The following MAP2K2 variants were observed in gnomAD, a reference collection of about 807,000 sequenced individuals.
MAP2K2 encodes dual specificity mitogen-activated protein kinase kinase 2.
A neutral mutation model predicts 43.7 loss-of-function variants in MAP2K2; 24 were observed. The observed-to-expected ratio is 0.55, with a 90% CI of 0.40 to 0.77. The LOEUF (loss-of-function observed/expected upper bound fraction) is 0.77, where lower values mean the gene tolerates loss of function less well. Ranked by LOEUF, MAP2K2 falls within the 30% of genes least tolerant of loss-of-function variation. The pLI, the probability that MAP2K2 is intolerant of heterozygous loss-of-function variation, is 0.00. For missense variants in MAP2K2, 470 were observed against 566.8 expected, an observed-to-expected ratio of 0.83 and a Z score of 1.73; for synonymous variants, 244 against 239.7, an observed-to-expected ratio of 1.02 and a Z score of -0.17.
intron 9 of MAP2K2, chr19:4,094,827 C>T (rs1020416410): frequency 1.8e-5 from 8 of 442,686 alleles, no homozygotes; most frequent in South Asian, 8.0e-5. Context: ...GCAACATCGC[C>T]GGAGCGCACG....
chr19:4,093,407 T>C (rs1056141604), intron 10 of MAP2K2, among the ~76,000 whole-genome samples: 1 of 151,390 alleles, frequency 6.6e-6, no homozygotes, highest in African/African-American at 2.4e-5. Context: ...AAAAATTTTT[T>C]TGACCAGGTG....
Position 4,099,268 on chromosome 19 carries a change from G to A in MAP2K2, c.852C>T (p.Val284=), listed in dbSNP as rs771633690. 1.1e-5 allele frequency: 17 copies of A among 1,605,982 alleles called. No homozygotes were observed. Among genetic ancestry groups the A allele is most frequent in the East Asian group, 2.2e-5 (1 of 44,554 alleles). ...TGTGAGGCTCTCCTTCTTCCCCGTC[G>A]ACCACGGGCCGGCCAAAGATGGCCT... ...ELEAIFGRPV[V]DGEEGEPHSI... Residue 284 remains valine (V), a synonymous_variant, in exon 7 of 11, where the codon GTC becomes GTT. Transcript: ENST00000262948.
intron 7 of MAP2K2, 53 bp from the exon 8 acceptor site, chr19:4,097,396 G>T: frequency 7.0e-7 from 1 of 1,429,086 alleles, no homozygotes; most frequent in Non-Finnish European, 9.9e-7. Flanking sequence ...CCTCACTTCT[G>T]CTGGGGGTTG....
intron 8 of MAP2K2, 83 bp from the exon 9 acceptor site, chr19:4,095,532 C>G (rs1361798823): frequency 3.5e-5 from 42 of 1,201,436 alleles, no homozygotes; most frequent in Non-Finnish European, 4.4e-5. Flanking sequence ...CCTCACTGTC[C>G]TGTCCGGTCA....
chr19:4,098,827 G>GT (rs1307552451), intron 7 of MAP2K2, among the ~76,000 whole-genome samples: 1 of 152,264 alleles, frequency 6.6e-6, no homozygotes, highest in Admixed American at 6.5e-5. Context: ...GCACAGGAGC[G>GT]TGTCACCTGC....
chr19:4,101,431 C>T lies in MAP2K2; in HGVS notation c.529-151G>A. ...CTGTGAGGAGCTCGCTGGGGTGGAGCAAGCGAGGCCAGAGACGAGACAGTG... is the reference window on the plus strand; with the variant it reads ...CTGTGAGGAGCTCGCTGGGGTGGAGTAAGCGAGGCCAGAGACGAGACAGTG... On this transcript the variant is annotated intron_variant, in intron 4 of 10. Transcript: ENST00000262948. This position sits in a 1 kb window ranked among gnomAD's most constrained non-coding sequence, Gnocchi z 6.3. 1.2e-6 allele frequency: 1 copy of T among 839,310 alleles called. No individual in the cohort carries two copies. The highest frequency in any genetic ancestry group is 2.0e-6 in the Non-Finnish European group (1 of 504,304). The allele number at this position is 839,310 out of a possible 1,614,324, so 52.0% of individuals were successfully genotyped here.
chr19:4,096,106 TG>T (rs2040913345), intron 8 of MAP2K2, among the ~76,000 whole-genome samples: 1 of 152,200 alleles, frequency 6.6e-6, no homozygotes, highest in African/African-American at 2.4e-5. Flanking sequence ...GCCCAAGCAC[TG>T]GGGAGCCTGG....
chr19:4,116,368 A>G lies in MAP2K2; in HGVS notation c.303+1051T>C, dbSNP rs930317081. ...CAACACGGTGAACCCCATCTCTACT[A>G]AAAAAACAAAAATTAACTGGGTGTG... On this transcript the variant is annotated intron_variant, in intron 2 of 10. Coordinates refer to ENST00000262948, the MANE Select transcript of MAP2K2 (RefSeq NM_030662.4). Among the ~76,000 whole-genome samples the G allele has an allele frequency of 4.0e-5, 6 of 151,828 alleles. No homozygotes were observed. In the East Asian group the frequency reaches 9.7e-4, roughly 25 times the overall value.
Position 4,090,500 on chromosome 19 carries a change from G to T in MAP2K2, c.*98C>A. On this transcript the variant is annotated 3_prime_UTR_variant, in exon 11 of 11. Coordinates refer to ENST00000262948, the MANE Select transcript of MAP2K2 (RefSeq NM_030662.4). ...GCTCTCCGCAGGGGTGAGGCAGGAG[G>T]GTGGGTGGAGGCGCCAGCCTGTCCT... 1 of 1,020,852 alleles carries T rather than the reference G, an allele frequency of 9.8e-7. No homozygotes were observed. Among genetic ancestry groups the T allele is most frequent in the Non-Finnish European group, 1.5e-6 (1 of 668,052 alleles). 63.2% of individuals were successfully genotyped at this position (1,020,852 alleles called of 1,614,324 possible).
chr19:4,119,442 G>A (rs947100732), intron 1 of MAP2K2, among the ~76,000 whole-genome samples: 1 of 152,066 alleles, frequency 6.6e-6, no homozygotes, highest in Non-Finnish European at 1.5e-5. Flanking sequence ...GGCTGCTCTT[G>A]AATTCCTGGG....
chr19:4,118,999 A>T (rs2041261577), intron 1 of MAP2K2, among the ~76,000 whole-genome samples: 1 of 152,132 alleles, frequency 6.6e-6, no homozygotes, highest in Non-Finnish European at 1.5e-5. Context: ...CACAAATTAA[A>T]ATCTTCTAGT....
intron 10 of MAP2K2, among the ~76,000 whole-genome samples, chr19:4,093,281 C>T (rs2040871981): frequency 6.6e-6 from 1 of 152,116 alleles, no homozygotes; most frequent in South Asian, 2.1e-4. Context: ...CATCGGTAGC[C>T]CCAGCTGCTC....
At chr19:4,095,147 T>C (rs1051602799) in intron 9 of MAP2K2, 4 of 513,356 alleles carry the variant, frequency 7.8e-6, no homozygotes, top group African/African-American at 3.9e-5. Context: ...GACACCGTCA[T>C]GTGCACAGGG....
Position 4,095,295 on chromosome 19 carries a change from TGG to T in MAP2K2, c.1046+91_1046+92del, listed in dbSNP as rs559885397. 1,437 of 1,115,406 alleles carry T rather than the reference TGG, an allele frequency of 1.3e-3. 13 individuals carry two copies. In the African/African-American group the frequency reaches 0.02, roughly 16 times the overall value. 69.1% of individuals were successfully genotyped at this position (1,115,406 alleles called of 1,614,324 possible). ...CCTAACGCTGCACTGGGATTCTGGA[TGG>T]GCAGGCTGGGCCACGGGCCCCACCC... On this transcript the variant is annotated intron_variant, in intron 9 of 10. Coordinates refer to ENST00000262948, the MANE Select transcript of MAP2K2 (RefSeq NM_030662.4).
At chr19:4,105,819 G>A (rs988921534) in intron 3 of MAP2K2, among the ~76,000 whole-genome samples, 25 of 151,830 alleles carry the variant, frequency 1.6e-4, no homozygotes, top group Non-Finnish European at 2.9e-4. Flanking sequence ...GAGTACAGGC[G>A]CGCCACCATG....
intron 3 of MAP2K2, among the ~76,000 whole-genome samples, chr19:4,105,879 C>G (rs2041079916): frequency 6.6e-6 from 1 of 151,818 alleles, no homozygotes; most frequent in South Asian, 2.1e-4. Context: ...GCCCAGGCTG[C>G]TCTCGAAGTC....
chr19:4,123,743 C>T, intron 1 of MAP2K2, 41 bp downstream of exon 1: 1 of 1,477,052 alleles, frequency 6.8e-7, no homozygotes, highest in Non-Finnish European at 9.1e-7. Context: ...GGCTCCCTGC[C>T]CCGTGCACCC....
chr19:4,110,369 T>C, intron 3 of MAP2K2, 140 bp downstream of exon 3: 1 of 998,888 alleles, frequency 1.0e-6, no homozygotes, highest in Non-Finnish European at 1.5e-6. Flanking sequence ...TTGTATGGCA[T>C]CGACTGCCTT....
rs1292500526 is a variant in MAP2K2 at position 4,090,430 on chromosome 19, G to T, written c.*168C>A. 2 of 668,160 alleles carry T rather than the reference G, an allele frequency of 3.0e-6. No individual in the cohort carries two copies. The allele number at this position is 668,160 out of a possible 1,614,324, so 41.4% of individuals were successfully genotyped here. A position where few individuals can be genotyped will look rare whatever the true frequency, so the allele number is the denominator to read the frequency against. On this transcript the variant is annotated 3_prime_UTR_variant, in exon 11 of 11. Coordinates refer to ENST00000262948, the MANE Select transcript of MAP2K2 (RefSeq NM_030662.4). ...GAGGCACCCCGGCCAGGACGGGCAG[G>T]AGAGGAGACCCCCGTTCCTGCATGC... is the stretch of plus-strand genomic sequence containing the variant.
Sources: gnomAD v4.1 joint callset for allele counts (sites outside exome capture counted in the v4.1 genomes callset) on GRCh38, gnomAD v4.1.1 for gene constraint, Gnocchi (gnomAD v3.1) non-coding constraint, MANE v1.5 for transcripts, NCBI Gene and HGNC (gene_info 2026-07-23, HGNC 2026-07-21) for gene names.